SENP7: variants seen among roughly 807,000 people sequenced by gnomAD.
The protein encoded by SENP7 is SUMO specific peptidase 7.
Under a neutral mutation model 141.2 loss-of-function variants are expected in SENP7, and 64 were observed. The ratio of observed to expected loss-of-function variants is 0.45; its 90% CI spans 0.37 to 0.56. SENP7 has a LOEUF of 0.56. Ranked by LOEUF, SENP7 falls within the 20% of genes least tolerant of loss-of-function variation. SENP7 has a pLI of 0.00. For missense variants in SENP7, 1,025 were observed against 1,212.2 expected, an observed-to-expected ratio of 0.85 and a Z score of 2.29; for synonymous variants, 382 against 426.4, an observed-to-expected ratio of 0.90 and a Z score of 1.28.
At chr3:101,350,356 T>C (rs115692053) in intron 12 of SENP7, among the ~76,000 whole-genome samples, 65 of 152,298 alleles carry the variant, frequency 4.3e-4, no homozygotes, top group African/African-American at 1.5e-3. Flanking sequence ...AAATCAATTT[T>C]TCCCCAGCTG....
At chr3:101,483,160 G>A (rs536579965) in intron 3 of SENP7, among the ~76,000 whole-genome samples, 49 of 152,148 alleles carry the variant, frequency 3.2e-4, no homozygotes, top group Admixed American at 1.8e-3. Context: ...TTACTGCAGC[G>A]CTATTTACAA....
chr3:101,429,380 T>C (rs1233500003), intron 4 of SENP7, among the ~76,000 whole-genome samples: 1 of 152,142 alleles, frequency 6.6e-6, no homozygotes, highest in Non-Finnish European at 1.5e-5. Context: ...GAGTAGTGGT[T>C]TGTAGTTCTC....
intron 4 of SENP7, among the ~76,000 whole-genome samples, chr3:101,449,626 A>G (rs924013131): frequency 5.9e-5 from 9 of 152,204 alleles, no homozygotes; most frequent in Admixed American, 4.6e-4. Context: ...ACTAAGCTTC[A>G]TAAGTGAAGG....
intron 4 of SENP7, among the ~76,000 whole-genome samples, chr3:101,423,035 A>G (rs1252507209): frequency 6.6e-6 from 1 of 152,170 alleles, no homozygotes; most frequent in East Asian, 1.9e-4. Flanking sequence ...ATAAACTAAC[A>G]ATTGGGATGA....
At chr3:101,487,302 T>C (rs1388876551) in intron 3 of SENP7, among the ~76,000 whole-genome samples, 2 of 152,070 alleles carry the variant, frequency 1.3e-5, no homozygotes, top group Non-Finnish European at 2.9e-5. Flanking sequence ...TAAAAACATA[T>C]ATTATTTTTT....
At chr3:101,495,063 A>G (rs1366547918) in intron 2 of SENP7, among the ~76,000 whole-genome samples, 1 of 152,216 alleles carries the variant, frequency 6.6e-6, no homozygotes, top group Non-Finnish European at 1.5e-5. Flanking sequence ...AGAGTCTACA[A>G]GGAACATAAA....
chr3:101,419,367 C>G (rs2061718713), intron 4 of SENP7, among the ~76,000 whole-genome samples: 1 of 152,154 alleles, frequency 6.6e-6, no homozygotes, highest in African/African-American at 2.4e-5. Context: ...AATTAGGAAA[C>G]ACTGAGATCA....
chr3:101,488,854 G>A (rs1044059280), intron 3 of SENP7, among the ~76,000 whole-genome samples: 18 of 152,182 alleles, frequency 1.2e-4, no homozygotes, highest in African/African-American at 2.6e-4. Flanking sequence ...AAGGCACATC[G>A]TCATCAAATT....
intron 3 of SENP7, among the ~76,000 whole-genome samples, chr3:101,491,811 G>C (rs937411643): frequency 1.3e-5 from 2 of 152,182 alleles, no homozygotes; most frequent in African/African-American, 4.8e-5. Context: ...TTAATAGGAG[G>C]TCGGGCACGG....
chr3:101,435,932 T>G (rs899399809), intron 4 of SENP7, among the ~76,000 whole-genome samples: 2 of 152,020 alleles, frequency 1.3e-5, no homozygotes, highest in Admixed American at 6.5e-5. Flanking sequence ...ATCCTAAAAT[T>G]TATATGGAAC....
At chr3:101,410,268 C>A (rs879732239) in intron 5 of SENP7, among the ~76,000 whole-genome samples, 4 of 151,952 alleles carry the variant, frequency 2.6e-5, no homozygotes, top group Non-Finnish European at 5.9e-5. Flanking sequence ...TGGCCATAAT[C>A]AAAAAATAGT....
At chr3:101,394,429 T>C (rs917984501) in intron 6 of SENP7, among the ~76,000 whole-genome samples, 1 of 152,204 alleles carries the variant, frequency 6.6e-6, no homozygotes, top group African/African-American at 2.4e-5. Flanking sequence ...ATCTCTTTGG[T>C]ATATTGACTT....
At chr3:101,338,969 C>T (rs1361169213) in intron 16 of SENP7, among the ~76,000 whole-genome samples, 2 of 152,038 alleles carry the variant, frequency 1.3e-5, no homozygotes, top group African/African-American at 2.4e-5. Flanking sequence ...CAAAAAATTA[C>T]CAGACATGCA....
chr3:101,354,231 T>C (rs1447868963), intron 11 of SENP7, among the ~76,000 whole-genome samples: 1 of 152,094 alleles, frequency 6.6e-6, no homozygotes, highest in African/African-American at 2.4e-5. Context: ...AATCTAATTA[T>C]ATGAAATGTT....
intron 11 of SENP7, chr3:101,357,360 G>A (rs750687505): frequency 7.2e-6 from 5 of 690,216 alleles, no homozygotes; most frequent in Non-Finnish European, 1.3e-5. Context: ...GAGAACTACA[G>A]AAACCTGTTC....
intron 4 of SENP7, among the ~76,000 whole-genome samples, chr3:101,451,286 T>C (rs1559847468): frequency 6.6e-6 from 1 of 152,068 alleles, no homozygotes; most frequent in Non-Finnish European, 1.5e-5. Context: ...CTACCAGAGG[T>C]ACAAAGAGAA....
At chr3:101,400,820 TGTGGTGGCTCACACCTGCAATCCCA>T (rs1375344808) in intron 5 of SENP7, among the ~76,000 whole-genome samples, 1 of 152,030 alleles carries the variant, frequency 6.6e-6, no homozygotes, top group Admixed American at 6.6e-5. Flanking sequence ...AATGGCTGGG[TGTGGTGGCTCACACCTGCAATCCCA>T]GCACTTTGGG....
chr3:101,358,822 A>T (rs1227281080), intron 11 of SENP7: 1 of 153,794 alleles, frequency 6.5e-6, no homozygotes, highest in Non-Finnish European at 1.4e-5. Context: ...TTTAGTAGAG[A>T]GGGGGTTTCA....
intron 6 of SENP7, among the ~76,000 whole-genome samples, chr3:101,383,920 C>T (rs1306039883): frequency 1.3e-5 from 2 of 152,206 alleles, no homozygotes; most frequent in South Asian, 2.1e-4. Flanking sequence ...CTCCCAGTTC[C>T]GTGGACCAGA....
Sources: allele counts gnomAD v4.1 joint callset (sites outside exome capture counted in the v4.1 genomes callset), GRCh38; gene constraint gnomAD v4.1.1; transcripts MANE v1.5; gene names NCBI Gene and HGNC (gene_info 2026-07-23, HGNC 2026-07-21).